Variants in PKN3 observed in about 807,000 individuals in gnomAD.
PKN3 encodes the protein protein kinase N3.
In PKN3, 91 loss-of-function variants were observed where a neutral mutation model predicts 113.1. The ratio of observed to expected loss-of-function variants is 0.80; its 90% CI spans 0.68 to 0.96. The LOEUF is 0.96. Ranked by LOEUF, PKN3 falls within the 40% of genes least tolerant of loss-of-function variation. PKN3 has a pLI of 0.00. For missense variants in PKN3, 1,052 were observed against 1,202.2 expected (o/e 0.88, Z 1.85); for synonymous variants, 467 against 499.0 (o/e 0.94, Z 0.85).
At chr9:128,710,821 T>C (rs910771260) in intron 6 of PKN3, among the ~76,000 whole-genome samples, 1 of 151,940 alleles carries the variant, frequency 6.6e-6, no homozygotes, top group African/African-American at 2.4e-5. Context: ...GGAGGTGGTG[T>C]CTTGGCCTTG....
In PKN3 at chr9:128,714,038, C is replaced by T. The variant is rs1030229201; in HGVS notation, c.1237-8C>T. On this transcript the variant is annotated splice_region_variant and splice_polypyrimidine_tract_variant and intron_variant, in intron 9 of 21. Coordinates refer to ENST00000291906, the MANE Select transcript of PKN3 (RefSeq NM_013355.5). Reference sequence around the variant, plus strand: ...GACTGGTCCACAACCCTGCCCCTACCCCTGCAGGTGACCTTCTGCGATCCT... The same window carrying T: ...GACTGGTCCACAACCCTGCCCCTACTCCTGCAGGTGACCTTCTGCGATCCT... The T allele has an allele frequency of 2.5e-6, 4 of 1,613,974 alleles. No individual in the cohort carries two copies. Among genetic ancestry groups the T allele is most frequent in the Non-Finnish European group, 2.5e-6 (3 of 1,179,926 alleles).
chr9:128,718,424 G>T, intron 17 of PKN3, 37 bp downstream of exon 17: 1 of 1,564,400 alleles, frequency 6.4e-7, no homozygotes, highest in Non-Finnish European at 8.8e-7. Context: ...GGGTAGGGGT[G>T]GGGGTGGGGG....
At position 128,707,416 on chromosome 9, in the gene PKN3, G is replaced by T. The variant is rs780646517; in HGVS notation, c.835+11G>T. 5.0e-6 allele frequency: 8 copies of T among 1,588,738 alleles called. No individual in the cohort carries two copies. The highest frequency in any genetic ancestry group is 6.9e-6 in the Non-Finnish European group (8 of 1,164,706). On this transcript the variant is annotated intron_variant, in intron 6 of 21. Transcript: ENST00000291906. ...CCACCGCCCTAACAGGTAGTCAGAA[G>T]TTCCTCCCCCTTCAAAGCTCTCCTT...
chr9:128,705,159 G>A (rs1467342185), intron 1 of PKN3, 144 bp from the exon 2 acceptor site: 5 of 1,043,290 alleles, frequency 4.8e-6, no homozygotes, highest in Non-Finnish European at 7.0e-6. Context: ...TGAGCTCTAA[G>A]GGGAGAGAGG....
rs766433956 is a variant in PKN3 at position 128,715,477 on chromosome 9, C to T, written c.1808+17C>T. The T allele has an allele frequency of 1.3e-6, 2 of 1,588,322 alleles. No homozygotes were observed. The highest frequency in any genetic ancestry group is 1.7e-6 in the Non-Finnish European group (2 of 1,157,298). Reference sequence around the variant, plus strand: ...GATAGAGAGGTGTGTGGGGGTGCCGCAGGGCACCCAGGATGGCTGGCCTGG... The same window carrying T: ...GATAGAGAGGTGTGTGGGGGTGCCGTAGGGCACCCAGGATGGCTGGCCTGG... On this transcript the variant is annotated intron_variant, in intron 15 of 21. Coordinates refer to ENST00000291906, the MANE Select transcript of PKN3 (RefSeq NM_013355.5). This position sits in a 1 kb window ranked among gnomAD's most constrained non-coding sequence, Gnocchi z 4.1.
Position 128,705,885 on chromosome 9 carries a change from G to A in PKN3, c.411+6G>A, listed in dbSNP as rs1264542847. On this transcript the variant is annotated splice_donor_region_variant and intron_variant, in intron 3 of 21. Transcript: ENST00000291906. Reference sequence around the variant, plus strand: ...GCGCCAGTGGCACCCCCAAGGTAAGGCCCCACAGTCTGATGGCAGGAGCAC... The same window carrying A: ...GCGCCAGTGGCACCCCCAAGGTAAGACCCCACAGTCTGATGGCAGGAGCAC... 1 of 1,581,846 alleles carries A rather than the reference G, an allele frequency of 6.3e-7. No homozygotes were observed. The highest frequency in any genetic ancestry group is 1.3e-5 in the African/African-American group (1 of 74,316).
rs56251280 is a variant in PKN3 at position 128,706,911 on chromosome 9, C to T, written c.539C>T (p.Ala180Val). The T allele has an allele frequency of 1.2e-5, 19 of 1,614,170 alleles. No individual in the cohort carries two copies. The highest frequency in any genetic ancestry group is 1.2e-4 in the Admixed American group (7 of 60,026). The part of the protein sequence containing the change: ...GSPEPGPELL[A>V]EELQHRLHVE... ...CTTCCCACAGGGCCTGAGCTGCTGG[C>T]GGAGGAGCTACAGCATCGACTGCAC... The change falls in exon 5 of 22, where the codon GCG becomes GTG. Residue 180 changes from alanine (A) to valine (V), a missense_variant. Ala to Val is a moderately conservative substitution (Grantham distance 64, BLOSUM62 0). Around this residue, in one of 2 missense-constraint regions of PKN3, gnomAD observed 719 missense variants for 759.4 expected, o/e 0.95. Transcript: ENST00000291906.
At position 128,713,033 on chromosome 9, in the gene PKN3, C is replaced by T. The variant is rs1402678537; in HGVS notation, c.836-19C>T. 1 of 1,578,112 alleles carries T rather than the reference C, an allele frequency of 6.3e-7. No individual in the cohort carries two copies. Among genetic ancestry groups the T allele is most frequent in the Non-Finnish European group, 8.6e-7 (1 of 1,159,022 alleles). ...GGAAGATGGCATCTGACAACGCCCC[C>T]CGCTCACTCTCCCCACAGGGACACT... On this transcript the variant is annotated intron_variant, in intron 6 of 21. Coordinates refer to ENST00000291906, the MANE Select transcript of PKN3 (RefSeq NM_013355.5).
intron 18 of PKN3, 152 bp from the exon 19 acceptor site, chr9:128,719,534 G>A: frequency 1.3e-6 from 1 of 779,056 alleles, no homozygotes; most frequent in South Asian, 2.1e-5. Context: ...GGCTCTGCAT[G>A]CAGTCAAATG....
chr9:128,705,352 G>C lies in PKN3; in HGVS notation c.74G>C (p.Arg25Pro). ...GAGGATGAGAAGGAGGTGATCCGCCGGGCCATCCAGAAAGAGCTGAAGATC... is the reference window on the plus strand; with the variant it reads ...GAGGATGAGAAGGAGGTGATCCGCCCGGCCATCCAGAAAGAGCTGAAGATC... ...PPEDEKEVIRRAIQKELKIKE... is the reference protein window; with the variant it reads ...PPEDEKEVIRPAIQKELKIKE... Residue 25 changes from arginine (R) to proline (P), a missense_variant, in exon 2 of 22, where the codon CGG becomes CCG. Coordinates refer to ENST00000291906, the MANE Select transcript of PKN3 (RefSeq NM_013355.5). 6.3e-7 allele frequency: 1 copy of C among 1,584,936 alleles called. No homozygotes were observed. The highest frequency in any genetic ancestry group is 8.6e-7 in the Non-Finnish European group (1 of 1,166,722).
At chr9:128,703,000 C>G in intron 1 of PKN3, 61 bp downstream of exon 1, 1 of 1,186,172 alleles carries the variant, frequency 8.4e-7, no homozygotes, top group Non-Finnish European at 1.1e-6. Context: ...TGTCATCGCC[C>G]CGGAGCCCCG....
chr9:128,708,418 A>G (rs892345715), intron 6 of PKN3, among the ~76,000 whole-genome samples: 3 of 152,018 alleles, frequency 2.0e-5, no homozygotes, highest in Non-Finnish European at 2.9e-5. Context: ...AAAAAAAATA[A>G]TAAAATTAAA....
In PKN3 at chr9:128,714,295, A is replaced by G. The variant is rs201364965; in HGVS notation, c.1411A>G (p.Ile471Val). The G allele has an allele frequency of 4.9e-5, 79 of 1,613,476 alleles. No homozygotes were observed. The South Asian group carries it at 7.1e-4, about 15-fold the overall frequency. ...GCCCCCCTGCAGCTCCCCGAGCACA[A>G]TCAGCCCCCCTAAAGGATGCCCTCG... Reference protein sequence around the residue: ...LLPPCSSPSTISPPKGCPRTP... With the variant: ...LLPPCSSPSTVSPPKGCPRTP... The change falls in exon 11 of 22, where the codon ATC becomes GTC. Residue 471 changes from isoleucine (I) to valine (V), a missense_variant. Ile to Val is a conservative substitution (Grantham distance 29). Transcript: ENST00000291906.
At chr9:128,706,218 G>A (rs538381120) in intron 3 of PKN3, among the ~76,000 whole-genome samples, 36 of 152,276 alleles carry the variant, frequency 2.4e-4, no homozygotes, top group African/African-American at 7.9e-4. Flanking sequence ...AATGGGGGAG[G>A]CTTAGCTTAG....
At chr9:128,716,676 G>A in intron 15 of PKN3, 71 bp from the exon 16 acceptor site, 1 of 1,287,662 alleles carries the variant, frequency 7.8e-7, no homozygotes, top group Non-Finnish European at 1.1e-6. Flanking sequence ...AGCCAGGGGT[G>A]TTGTGCAGGG....
At chr9:128,717,969 A>G (rs1589492757) in intron 16 of PKN3, among the ~76,000 whole-genome samples, 1 of 149,582 alleles carries the variant, frequency 6.7e-6, no homozygotes, top group South Asian at 2.1e-4. Flanking sequence ...CAGGAGGTGG[A>G]GGTTGCAGTG....
Position 128,720,018 on chromosome 9 carries a change from G to A in PKN3, c.2376+1G>A. 6.2e-7 allele frequency: 1 copy of A among 1,612,010 alleles called. No individual in the cohort carries two copies. On this transcript the variant is annotated splice_donor_variant, in intron 20 of 21. Transcript: ENST00000291906. LOFTEE classifies it high-confidence loss of function. The surrounding 1 kb of genome is among the most constrained non-coding windows in gnomAD (Gnocchi z 5.5). ...GCAAGGGCTTGAGTTCATTCAGAAG[G>A]TAAGCACTGCGGGGTCTGGGGCTGG...
At chr9:128,718,225 G>A in intron 16 of PKN3, 100 bp from the exon 17 acceptor site, 1 of 873,126 alleles carries the variant, frequency 1.1e-6, no homozygotes, top group Non-Finnish European at 1.9e-6. Flanking sequence ...CTCTGGCCGG[G>A]ACATCCGGGA....
In PKN3 at chr9:128,702,927, G is replaced by T; in HGVS notation, c.12G>T (p.Gly4=). 6.8e-7 allele frequency: 1 copy of T among 1,464,050 alleles called. No homozygotes were observed. The highest frequency in any genetic ancestry group is 9.0e-7 in the Non-Finnish European group (1 of 1,115,334). The allele number at this position is 1,464,050 out of a possible 1,614,324, so 90.7% of individuals were successfully genotyped here. A position where few individuals can be genotyped will look rare whatever the true frequency, so the allele number is the denominator to read the frequency against. Residue 4 remains glycine, a synonymous_variant, in exon 1 of 22, where the codon GGG becomes GGT. Coordinates refer to ENST00000291906, the MANE Select transcript of PKN3 (RefSeq NM_013355.5). ...GCCGGAGCGGCGCCATGGAGGAGGG[G>T]GCGCCGCGGCAGGTGAACGGCGTGG... MEE[G]APRQPGPSQW... is the part of the protein sequence containing the mutation.
Sources: allele counts gnomAD v4.1 joint callset (sites outside exome capture counted in the v4.1 genomes callset), GRCh38; gene constraint gnomAD v4.1.1; regional missense constraint gnomAD v4.1.1; non-coding constraint Gnocchi (gnomAD v3.1); transcripts MANE v1.5; gene names NCBI Gene and HGNC (gene_info 2026-07-23, HGNC 2026-07-21).